Variants in WDR72 observed in about 807,000 individuals in gnomAD.
WDR72 encodes the protein WD repeat domain 72.
In WDR72, 120 loss-of-function variants were observed where a neutral mutation model predicts 124.2. That is an observed-to-expected ratio of 0.97 (90% CI 0.83 to 1.12). The LOEUF (loss-of-function observed/expected upper bound fraction) is 1.12, where lower values mean the gene tolerates loss of function less well. WDR72 is among the 50% of genes most tolerant of loss of function. The pLI is 0.00. For synonymous variants in WDR72, 452 were observed against 441.7 expected (o/e 1.02, Z -0.29); for missense variants, 1,387 against 1,278.8 (o/e 1.08, Z -1.29).
intron 17 of WDR72, among the ~76,000 whole-genome samples, 175 bp downstream of exon 17, chr15:53,609,338 T>C (rs2013432213): frequency 1.3e-5 from 2 of 152,138 alleles, no homozygotes; most frequent in Admixed American, 1.3e-4. Context: ...CCCTAGTGAA[T>C]GGTGTACCCT....
In WDR72 at chr15:53,517,685, T is replaced by A. The variant is rs1454095139; in HGVS notation, c.*14A>T. Reference sequence around the variant, plus strand: ...TAATTTGTCCAAATTCAGCTCCTACTGATGAGATTCCATTTAAGACACCTT... The same window carrying A: ...TAATTTGTCCAAATTCAGCTCCTACAGATGAGATTCCATTTAAGACACCTT... On this transcript the variant is annotated 3_prime_UTR_variant, in exon 20 of 20. Coordinates refer to ENST00000360509, the MANE Select transcript of WDR72 (RefSeq NM_182758.4). 1 of 1,612,568 alleles carries A rather than the reference T, an allele frequency of 6.2e-7. No homozygotes were observed. Among genetic ancestry groups the A allele is most frequent in the Admixed American group, 1.7e-5 (1 of 59,910 alleles).
At chr15:53,645,301 A>C (rs2015002542) in intron 14 of WDR72, among the ~76,000 whole-genome samples, 1 of 152,152 alleles carries the variant, frequency 6.6e-6, no homozygotes, top group South Asian at 2.1e-4. Flanking sequence ...AGATAAACGA[A>C]ATTGTGTTTC....
intron 19 of WDR72, among the ~76,000 whole-genome samples, 179 bp from the exon 20 acceptor site, chr15:53,517,933 CTT>C (rs1891553596): frequency 6.6e-6 from 1 of 151,966 alleles, no homozygotes; most frequent in African/African-American, 2.4e-5. Context: ...TTCTACATGT[CTT>C]TTCCATCCTA....
rs2013634264 is a variant in WDR72, at chr15:53,613,599, A to G, written c.2872+67T>C. On this transcript the variant is annotated intron_variant, in intron 16 of 19. Transcript: ENST00000360509. ...TTTTGACACTGCTAACCAGTTATAG[A>G]AAGACTAGTTATGTCCTTTCACAGA... The G allele has an allele frequency of 8.0e-6, 8 of 1,006,068 alleles. No homozygotes were observed. The South Asian group carries it at 8.9e-5, about 11-fold the overall frequency. 62.3% of individuals were successfully genotyped at this position (1,006,068 alleles called of 1,614,324 possible).
At chr15:53,539,180 A>G (rs969707244) in intron 18 of WDR72, among the ~76,000 whole-genome samples, 7 of 152,186 alleles carry the variant, frequency 4.6e-5, no homozygotes, top group African/African-American at 1.7e-4. Context: ...GCAAGTTAAT[A>G]TAAGCATGCA....
chr15:53,645,216 G>A (rs1016311523), intron 14 of WDR72, among the ~76,000 whole-genome samples: 5 of 152,064 alleles, frequency 3.3e-5, no homozygotes, highest in Admixed American at 2.6e-4. Flanking sequence ...AAGTCTTTCT[G>A]ACCACTCACT....
chr15:53,616,077 C>A lies in WDR72; in HGVS notation c.2129G>T (p.Gly710Val), dbSNP rs150040344. 174 of 1,608,666 alleles carry A rather than the reference C, an allele frequency of 1.1e-4. No individual in the cohort carries two copies. The African/African-American group carries it at 2.1e-3, about 19-fold the overall frequency. ...DVDSSSSFYG[G>V]EVLRRAKSTV... ...GCTCTTGGCTCTTCTCAGGACCTCA[C>A]CACCATAGAATGAACTGGAAGAGTC... The change falls in exon 15 of 20, where the codon GGT (glycine) becomes GTT (valine). Residue 710 changes from glycine (G) to valine (V), a missense_variant. Transcript: ENST00000360509.
At chr15:53,597,430 G>A (rs2012831353) in intron 17 of WDR72, among the ~76,000 whole-genome samples, 156 bp from the exon 18 acceptor site, 2 of 152,124 alleles carry the variant, frequency 1.3e-5, no homozygotes, top group Non-Finnish European at 2.9e-5. Flanking sequence ...CAACTGAAAT[G>A]TGGGTAGCAA....
At chr15:53,565,973 G>A (rs897772989) in intron 18 of WDR72, among the ~76,000 whole-genome samples, 2 of 151,934 alleles carry the variant, frequency 1.3e-5, no homozygotes, top group East Asian at 1.9e-4. Context: ...GAGAAGGAAC[G>A]CTCTGATTAG....
In WDR72 at chr15:53,710,909, T is replaced by C; in HGVS notation, c.902A>G (p.Lys301Arg). 1 of 1,613,918 alleles carries C rather than the reference T, an allele frequency of 6.2e-7. No individual in the cohort carries two copies. Among genetic ancestry groups the C allele is most frequent in the Non-Finnish European group, 8.5e-7 (1 of 1,179,896 alleles). Residue 301 changes from lysine (K) to arginine (R), a missense_variant, in exon 9 of 20, where the codon AAA becomes AGA. Physicochemically the swap from Lys to Arg is conservative, Grantham distance 26. Transcript: ENST00000360509. ...CAGTAAATGAGGATAAATGGTCTCT[T>C]TAAGCACTCTTCCATCAGCAGGGTA... ...SIYPADGRVL[K>R]ETIYPHLLCS...
At chr15:53,529,087 A>G (rs1892284982) in intron 18 of WDR72, among the ~76,000 whole-genome samples, 1 of 150,428 alleles carries the variant, frequency 6.6e-6, no homozygotes, top group Non-Finnish European at 1.5e-5. Context: ...CTGCATAAAG[A>G]AGGAAACCCT....
intron 14 of WDR72, among the ~76,000 whole-genome samples, chr15:53,661,570 C>G (rs2015610977): frequency 6.6e-6 from 1 of 152,114 alleles, no homozygotes; most frequent in Non-Finnish European, 1.5e-5. Context: ...ATATCCAAAT[C>G]ATAGCAGGTC....
chr15:53,518,670 A>G (rs1891606380), intron 19 of WDR72, among the ~76,000 whole-genome samples: 1 of 151,716 alleles, frequency 6.6e-6, no homozygotes, highest in East Asian at 1.9e-4. Context: ...TGCTTCATGC[A>G]TCATCATCAG....
chr15:53,643,015 C>T (rs1305895692), intron 14 of WDR72, among the ~76,000 whole-genome samples: 6 of 152,066 alleles, frequency 3.9e-5, no homozygotes. Context: ...TAAAGCTAGT[C>T]ATTTTCCTTA....
intron 14 of WDR72, among the ~76,000 whole-genome samples, chr15:53,654,004 A>G (rs1346256841): frequency 2.0e-5 from 3 of 152,206 alleles, no homozygotes; most frequent in Non-Finnish European, 2.9e-5. Flanking sequence ...CTGGAAATCA[A>G]CACAAAATTA....
At chr15:53,563,942 TGTC>T (rs966560190) in intron 18 of WDR72, among the ~76,000 whole-genome samples, 24 of 151,988 alleles carry the variant, frequency 1.6e-4, no homozygotes, top group Non-Finnish European at 2.2e-4. Flanking sequence ...AAGAAATTGT[TGTC>T]CGCTGAATTA....
chr15:53,589,323 T>C (rs1285445309), intron 18 of WDR72, among the ~76,000 whole-genome samples: 1 of 151,756 alleles, frequency 6.6e-6, no homozygotes, highest in Non-Finnish European at 1.5e-5. Context: ...TTCAAGACTT[T>C]GTCTGGATGC....
At chr15:53,599,863 G>A (rs1345280250) in intron 17 of WDR72, among the ~76,000 whole-genome samples, 1 of 151,980 alleles carries the variant, frequency 6.6e-6, no homozygotes, top group Non-Finnish European at 1.5e-5. Context: ...CACTTTAACT[G>A]TTGATTTTTT....
intron 15 of WDR72, among the ~76,000 whole-genome samples, chr15:53,614,620 T>C (rs1246586411): frequency 1.3e-5 from 2 of 152,076 alleles, no homozygotes; most frequent in Non-Finnish European, 2.9e-5. Context: ...TTCCATCCTG[T>C]AATCTGTACC....
Sources: gnomAD v4.1 joint callset for allele counts (sites outside exome capture counted in the v4.1 genomes callset) on GRCh38, gnomAD v4.1.1 for gene constraint, MANE v1.5 for transcripts, NCBI Gene and HGNC (gene_info 2026-07-23, HGNC 2026-07-21) for gene names.